MSH3: variants seen among roughly 807,000 people sequenced by gnomAD.
MSH3 encodes the protein mutS homolog 3.
A neutral mutation model predicts 123.3 loss-of-function variants in MSH3; 106 were observed. That is an observed-to-expected ratio of 0.86 (90% confidence interval 0.73 to 1.01). MSH3 has a LOEUF of 1.01. Among genes scored for constraint, MSH3 ranks in the 50% least tolerant of loss-of-function variants. The pLI is 0.00. For synonymous variants in MSH3, 515 were observed against 481.4 expected, an observed-to-expected ratio of 1.07 and a Z score of -0.91; for missense variants, 1,459 against 1,347.6, an observed-to-expected ratio of 1.08 and a Z score of -1.29.
At chr5:80,743,916 C>T (rs1419179464) in intron 11 of MSH3, among the ~76,000 whole-genome samples, 1 of 151,620 alleles carries the variant, frequency 6.6e-6, no homozygotes, top group Non-Finnish European at 1.5e-5. Flanking sequence ...ATTTAAATGT[C>T]TCAGTGGGCT....
chr5:80,867,777 G>T (rs1489246772), intron 22 of MSH3, among the ~76,000 whole-genome samples: 1 of 152,172 alleles, frequency 6.6e-6, no homozygotes, highest in Middle Eastern at 3.4e-3. Context: ...AATGGGTTTG[G>T]TTTTTTCTTA....
At chr5:80,664,833 A>G (rs1041075185) in intron 2 of MSH3, among the ~76,000 whole-genome samples, 2 of 151,620 alleles carry the variant, frequency 1.3e-5, no homozygotes. Context: ...TAGATATCTC[A>G]TTTGCAGTTG....
At position 80,767,015 on chromosome 5, in the gene MSH3, A is replaced by G. The variant is rs1744135028; in HGVS notation, c.1897-918A>G. Among the ~76,000 whole-genome samples, 3 of 152,186 alleles carry G rather than the reference A, an allele frequency of 2.0e-5. No homozygotes were observed. The South Asian group carries it at 6.2e-4, about 31-fold the overall frequency. ...ATGGTATATGATATAAACATACTGT[A>G]TATATTCAATGTATGTTGAAATTAT... is the stretch of plus-strand genomic sequence containing the variant. On this transcript the variant is annotated intron_variant, in intron 13 of 23. Transcript: ENST00000265081.
At chr5:80,845,815 A>C (rs1265564211) in intron 20 of MSH3, among the ~76,000 whole-genome samples, 1 of 151,906 alleles carries the variant, frequency 6.6e-6, no homozygotes, top group African/African-American at 2.4e-5. Flanking sequence ...ACCTTTTTTC[A>C]AGGTTTTCAG....
chr5:80,813,757 C>T lies in MSH3; in HGVS notation c.2813+16C>T, dbSNP rs1487305944. ...TTTTCACAAGGTAAGTACGTTAATT[C>T]AGCTTGCATATATTCTTGAAAATAA... On this transcript the variant is annotated intron_variant, in intron 20 of 23. Transcript: ENST00000265081. 1 of 1,613,720 alleles carries T rather than the reference C, an allele frequency of 6.2e-7. No homozygotes were observed. The highest frequency in any genetic ancestry group is 8.5e-7 in the Non-Finnish European group (1 of 1,179,668).
chr5:80,723,656 G>A (rs1217816816), intron 8 of MSH3, among the ~76,000 whole-genome samples: 1 of 152,074 alleles, frequency 6.6e-6, no homozygotes, highest in African/African-American at 2.4e-5. Context: ...TTATGATAAA[G>A]TACCACTCAT....
intron 8 of MSH3, among the ~76,000 whole-genome samples, chr5:80,713,752 C>T (rs2112846869): frequency 6.6e-6 from 1 of 152,098 alleles, no homozygotes; most frequent in African/African-American, 2.4e-5. Flanking sequence ...ATTTTTACTC[C>T]AGTCCTATGG....
intron 12 of MSH3, among the ~76,000 whole-genome samples, chr5:80,761,142 C>T (rs6151792): frequency 0.096 from 14,669 of 152,076 alleles, 882 homozygotes; most frequent in East Asian, 0.29. Flanking sequence ...AAATTAGGCC[C>T]GCAGACAATT....
intron 19 of MSH3, among the ~76,000 whole-genome samples, chr5:80,796,870 A>G (rs1374951727): frequency 6.6e-6 from 1 of 152,022 alleles, no homozygotes; most frequent in African/African-American, 2.4e-5. Flanking sequence ...GCCCACCTCC[A>G]TGGATTCTCT....
intron 8 of MSH3, among the ~76,000 whole-genome samples, chr5:80,691,000 ATAATT>A (rs1308829012): frequency 3.9e-5 from 6 of 151,990 alleles, no homozygotes; most frequent in African/African-American, 1.4e-4. Flanking sequence ...AATTAAACTC[ATAATT>A]TAATATATTA....
chr5:80,812,388 C>T (rs1745023236), intron 19 of MSH3, among the ~76,000 whole-genome samples: 1 of 152,078 alleles, frequency 6.6e-6, no homozygotes, highest in African/African-American at 2.4e-5. Context: ...AATTTTTCAT[C>T]ATACCTTTTA....
intron 3 of MSH3, among the ~76,000 whole-genome samples, chr5:80,666,257 A>T (rs1041694032): frequency 3.3e-5 from 5 of 152,128 alleles, no homozygotes; most frequent in Non-Finnish European, 7.4e-5. Flanking sequence ...AATTAGAGAA[A>T]TGGTTCTATA....
intron 8 of MSH3, among the ~76,000 whole-genome samples, chr5:80,712,538 A>G (rs1750880824): frequency 6.6e-6 from 1 of 152,044 alleles, no homozygotes; most frequent in Admixed American, 6.5e-5. Context: ...TTTAATTTGT[A>G]ACCTTTCTGA....
intron 8 of MSH3, among the ~76,000 whole-genome samples, chr5:80,695,650 C>A (rs1203551272): frequency 1.3e-5 from 2 of 151,950 alleles, no homozygotes; most frequent in Non-Finnish European, 2.9e-5. Context: ...TTTGTTTATG[C>A]CTTCTATTAC....
Position 80,672,338 on chromosome 5 carries a change from G to A in MSH3, c.887G>A (p.Arg296His), listed in dbSNP as rs746594395. The A allele has an allele frequency of 3.1e-6, 5 of 1,613,418 alleles. No individual in the cohort carries two copies. The highest frequency in any genetic ancestry group is 2.2e-5 in the South Asian group (2 of 91,056). ...PTHRLFVHVR[R>H]LVAKGYKVGV... is the part of the protein sequence containing the mutation. Reference sequence around the variant, plus strand: ...CACAGACTGTTTGTTCATGTACGCCGCCTGGTGGCAAAAGGATATAAGGTC... The same window carrying A: ...CACAGACTGTTTGTTCATGTACGCCACCTGGTGGCAAAAGGATATAAGGTC... Residue 296 changes from arginine to histidine, a missense_variant, in exon 5 of 24, where the codon CGC becomes CAC. Transcript: ENST00000265081.
rs993974886 is a variant in MSH3 at position 80,835,488 on chromosome 5, A to AT, written c.2814-18632dup. Among the ~76,000 whole-genome samples, 981 of 150,330 alleles carry AT rather than the reference A, an allele frequency of 6.5e-3. 10 individuals are homozygous for AT. Among genetic ancestry groups the AT allele is most frequent in the African/African-American group, 7.6e-3 (313 of 41,064 alleles). ...TAAAAAAATAAAAAGCAGCAATAGCATTTTTTTTTTACATATACTTCATTA... is the reference window on the plus strand; with the variant it reads ...TAAAAAAATAAAAAGCAGCAATAGCATTTTTTTTTTTACATATACTTCATTA... On this transcript the variant is annotated intron_variant, in intron 20 of 23. Transcript: ENST00000265081.
intron 8 of MSH3, among the ~76,000 whole-genome samples, chr5:80,694,896 ATT>A (rs35665355): frequency 1.6e-4 from 22 of 135,656 alleles, no homozygotes; most frequent in Non-Finnish European, 1.6e-4. Context: ...GCTGTCAAGA[ATT>A]TTTTTTTTTT....
chr5:80,761,760 C>T, intron 13 of MSH3, 82 bp downstream of exon 13: 1 of 1,448,070 alleles, frequency 6.9e-7, no homozygotes, highest in Non-Finnish European at 9.6e-7. Context: ...CTTTTGAGAG[C>T]TCTATTATTA....
At chr5:80,736,366 A>C (rs1251331988) in intron 10 of MSH3, among the ~76,000 whole-genome samples, 2 of 152,178 alleles carry the variant, frequency 1.3e-5, no homozygotes, top group Non-Finnish European at 2.9e-5. Flanking sequence ...TTAAGACAGA[A>C]GTATAAAGAA....
Sources: gnomAD v4.1 joint callset for allele counts (sites outside exome capture counted in the v4.1 genomes callset) on GRCh38, gnomAD v4.1.1 for gene constraint, MANE v1.5 for transcripts, NCBI Gene and HGNC (gene_info 2026-07-23, HGNC 2026-07-21) for gene names.